PAPPA2: variants seen among roughly 807,000 people sequenced by gnomAD.
The protein encoded by PAPPA2 is pappalysin 2.
A neutral mutation model predicts 176.4 loss-of-function variants in PAPPA2; 86 were observed. The ratio of observed to expected loss-of-function variants is 0.49; its 90% CI spans 0.41 to 0.58. The LOEUF is 0.58. PAPPA2 is among the 20% of genes least tolerant of loss of function. The pLI, the probability that PAPPA2 is intolerant of heterozygous loss-of-function variation, is 0.00. For synonymous variants in PAPPA2, 809 were observed against 852.2 expected (o/e 0.95, Z 0.88); for missense variants, 2,073 against 2,256.9 (o/e 0.92, Z 1.65).
chr1:176,598,306 T>G (rs1654096219), intron 3 of PAPPA2, among the ~76,000 whole-genome samples: 1 of 152,140 alleles, frequency 6.6e-6, no homozygotes, highest in South Asian at 2.1e-4. Flanking sequence ...CCTCCAAATA[T>G]TATATTTATA....
At chr1:176,492,243 TCTC>T (rs1351680531) in intron 1 of PAPPA2, among the ~76,000 whole-genome samples, 8 of 152,128 alleles carry the variant, frequency 5.3e-5, no homozygotes, top group Non-Finnish European at 1.2e-4. Flanking sequence ...ACACGGTCGT[TCTC>T]CTTCTTTTCT....
intron 12 of PAPPA2, among the ~76,000 whole-genome samples, chr1:176,734,861 A>ATTT (rs1386581653): frequency 2.0e-5 from 3 of 152,144 alleles, no homozygotes; most frequent in Admixed American, 1.3e-4. Flanking sequence ...GGCTTTTAAA[A>ATTT]GTGTCTGTCA....
chr1:176,682,354 G>A (rs972688831), intron 4 of PAPPA2, among the ~76,000 whole-genome samples: 19 of 152,280 alleles, frequency 1.2e-4, no homozygotes, highest in African/African-American at 4.6e-4. Flanking sequence ...GGGTGATGAA[G>A]AAAGTTTTGG....
intron 17 of PAPPA2, among the ~76,000 whole-genome samples, chr1:176,772,373 G>A (rs1194754053): frequency 2.0e-5 from 3 of 152,136 alleles, no homozygotes; most frequent in African/African-American, 7.2e-5. Context: ...ATTACCAGTG[G>A]TGCCAGGGCA....
At chr1:176,630,161 A>G (rs1656263350) in intron 3 of PAPPA2, among the ~76,000 whole-genome samples, 1 of 152,240 alleles carries the variant, frequency 6.6e-6, no homozygotes, top group African/African-American at 2.4e-5. Flanking sequence ...TCAAAAGCTT[A>G]CAGCATGATG....
chr1:176,550,771 T>C (rs1306121150), intron 1 of PAPPA2, among the ~76,000 whole-genome samples: 1 of 152,202 alleles, frequency 6.6e-6, no homozygotes, highest in African/African-American at 2.4e-5. Flanking sequence ...AAGATAGGGC[T>C]TGTCTTGGCT....
intron 3 of PAPPA2, among the ~76,000 whole-genome samples, chr1:176,617,134 C>G (rs1435375739): frequency 6.6e-6 from 1 of 152,188 alleles, no homozygotes; most frequent in Non-Finnish European, 1.5e-5. Flanking sequence ...TAATCAATTT[C>G]TACAGTTCAC....
At chr1:176,495,383 A>T (rs1411385901) in intron 1 of PAPPA2, among the ~76,000 whole-genome samples, 1 of 152,108 alleles carries the variant, frequency 6.6e-6, no homozygotes, top group African/African-American at 2.4e-5. Context: ...TCTGATAAAA[A>T]TACAAAATTA....
chr1:176,639,059 TA>T (rs924961454), intron 3 of PAPPA2, among the ~76,000 whole-genome samples: 8 of 151,450 alleles, frequency 5.3e-5, no homozygotes, highest in Non-Finnish European at 7.4e-5. Flanking sequence ...CTGACTTTTT[TA>T]AAAAAAATAA....
Position 176,595,207 on chromosome 1 carries a change from G to A in PAPPA2, c.1603G>A (p.Asp535Asn), listed in dbSNP as rs1486678701. ...CTACCAGGTGGTGAACATCTGTGATGATGAGGGCCTAAACCCCATTGTGAG... is the reference window on the plus strand; with the variant it reads ...CTACCAGGTGGTGAACATCTGTGATAATGAGGGCCTAAACCCCATTGTGAG... Reference protein sequence around the residue: ...IRYQVVNICDDEGLNPIVSEE... With the variant: ...IRYQVVNICDNEGLNPIVSEE... Residue 535 changes from aspartate (D) to asparagine (N), a missense_variant, in exon 3 of 23, where the codon GAT (aspartate) becomes AAT (asparagine). Transcript: ENST00000367662. The A allele has an allele frequency of 6.2e-7, 1 of 1,614,226 alleles. No homozygotes were observed. The highest frequency in any genetic ancestry group is 2.2e-5 in the East Asian group (1 of 44,878).
At chr1:176,475,266 TA>T (rs1652060195) in intron 1 of PAPPA2, among the ~76,000 whole-genome samples, 1 of 152,168 alleles carries the variant, frequency 6.6e-6, no homozygotes. Flanking sequence ...GGTCAATAAA[TA>T]TTTGTGAAAT....
At chr1:176,711,077 C>T (rs778984858) in intron 11 of PAPPA2, among the ~76,000 whole-genome samples, 17 of 152,136 alleles carry the variant, frequency 1.1e-4, no homozygotes, top group Admixed American at 3.3e-4. Context: ...AAGTTCCACC[C>T]GCCTCTTACT....
chr1:176,604,137 A>G (rs112927937), intron 3 of PAPPA2, among the ~76,000 whole-genome samples: 4 of 151,878 alleles, frequency 2.6e-5, no homozygotes, highest in African/African-American at 7.2e-5. Context: ...TAACTTTCCC[A>G]CTTTCTTCTG....
chr1:176,598,374 C>G (rs1447993897), intron 3 of PAPPA2, among the ~76,000 whole-genome samples: 1 of 152,010 alleles, frequency 6.6e-6, no homozygotes. Flanking sequence ...ACAGACAAGA[C>G]TAACTCTCTT....
intron 3 of PAPPA2, among the ~76,000 whole-genome samples, chr1:176,638,728 T>C (rs945029280): frequency 6.6e-6 from 1 of 151,430 alleles, no homozygotes; most frequent in Non-Finnish European, 1.5e-5. Context: ...GATTCTCGGA[T>C]TTTTTTTTCT....
intron 1 of PAPPA2, among the ~76,000 whole-genome samples, chr1:176,529,025 G>A (rs911630293): frequency 1.3e-5 from 2 of 152,174 alleles, no homozygotes; most frequent in Non-Finnish European, 2.9e-5. Flanking sequence ...TGGGCAGGAA[G>A]CAGACCATGC....
At chr1:176,804,046 A>G (rs926391704) in intron 21 of PAPPA2, among the ~76,000 whole-genome samples, 2 of 152,212 alleles carry the variant, frequency 1.3e-5, no homozygotes, top group African/African-American at 2.4e-5. Context: ...TAGAGTTTTT[A>G]TAACAGGGTT....
intron 3 of PAPPA2, among the ~76,000 whole-genome samples, chr1:176,634,864 A>G (rs1656585490): frequency 7.1e-6 from 1 of 140,042 alleles, no homozygotes; most frequent in African/African-American, 2.8e-5. Flanking sequence ...ATACATAGAT[A>G]CATAGATAGA....
chr1:176,645,133 A>G (rs1226944181), intron 3 of PAPPA2, among the ~76,000 whole-genome samples: 1 of 151,784 alleles, frequency 6.6e-6, no homozygotes, highest in Non-Finnish European at 1.5e-5. Flanking sequence ...TGAAATATAC[A>G]ATAGGTTACT....
Sources: allele counts gnomAD v4.1 joint callset (sites outside exome capture counted in the v4.1 genomes callset), GRCh38; gene constraint gnomAD v4.1.1; transcripts MANE v1.5; gene names NCBI Gene and HGNC (gene_info 2026-07-23, HGNC 2026-07-21).